The following BBX variants were observed in gnomAD, a reference collection of about 807,000 sequenced individuals.
BBX encodes the protein HMG box transcription factor BBX.
In BBX, 30 loss-of-function variants were observed where a neutral mutation model predicts 100.2. That is an observed-to-expected ratio of 0.30 (90% CI 0.22 to 0.41). The LOEUF (loss-of-function observed/expected upper bound fraction) is 0.41, where lower values mean the gene tolerates loss of function less well. Among genes scored for constraint, BBX ranks in the 10% least tolerant of loss-of-function variants. The pLI is 1.00. For missense variants in BBX, 1,023 were observed against 1,129.8 expected (o/e 0.91, Z 1.35); for synonymous variants, 376 against 388.1 (o/e 0.97, Z 0.37).
At chr3:107,602,056 G>A (rs2054103294) in intron 2 of BBX, among the ~76,000 whole-genome samples, 1 of 152,032 alleles carries the variant, frequency 6.6e-6, no homozygotes, top group South Asian at 2.1e-4. Flanking sequence ...ACCAAGCATG[G>A]ATGACAGTAC....
intron 17 of BBX, among the ~76,000 whole-genome samples, chr3:107,803,705 G>A (rs1387619511): frequency 6.6e-6 from 1 of 152,092 alleles, no homozygotes; most frequent in East Asian, 1.9e-4. Context: ...GCCAATTTGT[G>A]CCCAAGTCAA....
intron 2 of BBX, among the ~76,000 whole-genome samples, chr3:107,587,062 C>T (rs571702868): frequency 6.6e-6 from 1 of 152,248 alleles, no homozygotes; most frequent in East Asian, 1.9e-4. Context: ...GCCGATTCCA[C>T]ACTTTTGAGA....
chr3:107,542,921 C>T (rs1275952365), intron 2 of BBX, among the ~76,000 whole-genome samples: 2 of 150,264 alleles, frequency 1.3e-5, no homozygotes, highest in African/African-American at 2.4e-5. Flanking sequence ...CTTTCCAGCC[C>T]AGGGTAAAAG....
chr3:107,788,783 A>G (rs1426389367), intron 13 of BBX, among the ~76,000 whole-genome samples: 2 of 152,102 alleles, frequency 1.3e-5, no homozygotes, highest in African/African-American at 2.4e-5. Context: ...CAATAAATAC[A>G]TAAATAAATA....
chr3:107,606,982 T>A (rs2054494471), intron 2 of BBX, among the ~76,000 whole-genome samples: 2 of 152,230 alleles, frequency 1.3e-5, no homozygotes, highest in Non-Finnish European at 2.9e-5. Flanking sequence ...ATGGTTCAGT[T>A]GTCTTAATTT....
intron 3 of BBX, among the ~76,000 whole-genome samples, chr3:107,685,544 C>G (rs2059797853): frequency 6.6e-6 from 1 of 152,222 alleles, no homozygotes; most frequent in Non-Finnish European, 1.5e-5. Flanking sequence ...TCAGCTCTCG[C>G]CAGTGATGCA....
At chr3:107,788,711 G>T (rs1382978435) in intron 13 of BBX, among the ~76,000 whole-genome samples, 1 of 152,070 alleles carries the variant, frequency 6.6e-6, no homozygotes, top group East Asian at 1.9e-4. Context: ...GGAGGTGGAG[G>T]TTGCAGTGAG....
At chr3:107,739,602 C>T (rs1218298105) in intron 7 of BBX, among the ~76,000 whole-genome samples, 1 of 152,052 alleles carries the variant, frequency 6.6e-6, no homozygotes, top group Admixed American at 6.6e-5. Context: ...TGAGTATGCT[C>T]GTTGGGCTCT....
intron 2 of BBX, among the ~76,000 whole-genome samples, chr3:107,587,725 G>A (rs1459896273): frequency 6.6e-6 from 1 of 152,136 alleles, no homozygotes; most frequent in Non-Finnish European, 1.5e-5. Context: ...CACTGGGTAC[G>A]CTAGACCAAC....
chr3:107,739,749 G>A (rs1407447715), intron 7 of BBX, among the ~76,000 whole-genome samples: 1 of 152,158 alleles, frequency 6.6e-6, no homozygotes, highest in South Asian at 2.1e-4. Flanking sequence ...GTGGTTGTTG[G>A]AGAGCACATT....
intron 2 of BBX, among the ~76,000 whole-genome samples, chr3:107,636,975 A>G (rs1559902014): frequency 6.6e-6 from 1 of 152,206 alleles, no homozygotes; most frequent in Non-Finnish European, 1.5e-5. Context: ...TACTCTTCAT[A>G]TATTCTCAAC....
chr3:107,527,736 C>T (rs1486871121), intron 2 of BBX, among the ~76,000 whole-genome samples: 1 of 152,118 alleles, frequency 6.6e-6, no homozygotes, highest in Non-Finnish European at 1.5e-5. Flanking sequence ...CATAGCAGGC[C>T]AATCGGAGTG....
chr3:107,632,950 TA>T (rs1349756650), intron 2 of BBX, among the ~76,000 whole-genome samples: 1 of 152,118 alleles, frequency 6.6e-6, no homozygotes, highest in Non-Finnish European at 1.5e-5. Flanking sequence ...AAATACTGAT[TA>T]AAAAACAACG....
chr3:107,646,788 C>T (rs550340292), intron 3 of BBX, among the ~76,000 whole-genome samples: 17 of 152,032 alleles, frequency 1.1e-4, no homozygotes, highest in African/African-American at 3.9e-4. Flanking sequence ...AATCCAAAAC[C>T]TTTTCTATTT....
chr3:107,746,788 T>C, intron 8 of BBX, among the ~76,000 whole-genome samples: 1 of 152,278 alleles, frequency 6.6e-6, no homozygotes, highest in Non-Finnish European at 1.5e-5. Flanking sequence ...ACATCACTTT[T>C]ATATGTATAA....
At chr3:107,678,641 T>A (rs1444242449) in intron 3 of BBX, among the ~76,000 whole-genome samples, 1 of 152,086 alleles carries the variant, frequency 6.6e-6, no homozygotes, top group Non-Finnish European at 1.5e-5. Context: ...GGAAGATCAC[T>A]TGAGCCCAGA....
At chr3:107,680,419 A>G (rs774764056) in intron 3 of BBX, among the ~76,000 whole-genome samples, 1 of 152,186 alleles carries the variant, frequency 6.6e-6, no homozygotes, top group Non-Finnish European at 1.5e-5. Flanking sequence ...GGTAGTAGAC[A>G]TGCAGAAAGT....
intron 2 of BBX, among the ~76,000 whole-genome samples, chr3:107,536,001 C>T (rs2048468135): frequency 6.6e-6 from 1 of 152,210 alleles, no homozygotes; most frequent in African/African-American, 2.4e-5. Context: ...CTGACATTAG[C>T]TTTGAAAGGC....
intron 15 of BBX, among the ~76,000 whole-genome samples, chr3:107,791,640 C>A (rs1343353722): frequency 6.6e-6 from 1 of 152,150 alleles, no homozygotes; most frequent in Non-Finnish European, 1.5e-5. Flanking sequence ...GGAATAACAA[C>A]CTGGTTGGCT....
Sources: allele counts gnomAD v4.1 joint callset (sites outside exome capture counted in the v4.1 genomes callset), GRCh38; gene constraint gnomAD v4.1.1; transcripts MANE v1.5; gene names NCBI Gene and HGNC (gene_info 2026-07-23, HGNC 2026-07-21).